MARCHF5: variants seen among roughly 807,000 people sequenced by gnomAD.
MARCHF5 encodes membrane associated ring-CH-type finger 5, also known as E3 ubiquitin-protein ligase MARCHF5.
A neutral mutation model predicts 36.5 loss-of-function variants in MARCHF5; 5 were observed. The ratio of observed to expected loss-of-function variants is 0.14; its 90% CI spans 0.07 to 0.29. MARCHF5 has a LOEUF of 0.29. MARCHF5 is among the 10% of genes least tolerant of loss of function. The probability of loss-of-function intolerance (pLI) is 1.00; values close to 1 mark genes in which losing one functional copy is unlikely to be tolerated. For missense variants in MARCHF5, 179 were observed against 336.3 expected (o/e 0.53, Z 3.66); for synonymous variants, 103 against 109.9 (o/e 0.94, Z 0.39).
rs575122002 is a variant in MARCHF5, at chr10:92,322,439, C to CTTT, written c.238+11118_238+11120dup. On this transcript the variant is annotated intron_variant, in intron 2 of 5. Coordinates refer to ENST00000358935, the MANE Select transcript of MARCHF5 (RefSeq NM_017824.5). The stretch of plus-strand genomic sequence containing the variant: ...TTGACTTGGGATCTTTCTTTTTGTC[C>CTTT]TTTTTTTTTTTTTTTTTTGAGACAG... Among the ~76,000 whole-genome samples, 477 of 120,436 alleles carry CTTT rather than the reference C, an allele frequency of 4.0e-3. 7 individuals are homozygous for CTTT. Among genetic ancestry groups the CTTT allele is most frequent in the African/African-American group, 0.014 (453 of 32,104 alleles). 79.0% of individuals were successfully genotyped at this position (120,436 alleles called of 152,430 possible). A position where few individuals can be genotyped will look rare whatever the true frequency, so the allele number is the denominator to read the frequency against.
chr10:92,301,111 T>C lies in MARCHF5; in HGVS notation c.35+9582T>C, dbSNP rs575948393. 3.2e-4 allele frequency among the ~76,000 whole-genome samples: 49 copies of C among 152,244 alleles called. 1 individual carries two copies. The highest frequency in any genetic ancestry group is 2.5e-3 in the South Asian group (12 of 4,824). On this transcript the variant is annotated intron_variant, in intron 1 of 5. Transcript: ENST00000358935. ...TGTTTTGGCCAGGCTGGCCTTGAAC[T>C]CCTGGTCTCAAGCAGTCCTCCCCAC...
chr10:92,294,598 A>G (rs185046280), intron 1 of MARCHF5, among the ~76,000 whole-genome samples: 2 of 152,154 alleles, frequency 1.3e-5, no homozygotes, highest in African/African-American at 4.8e-5. Context: ...CTTCTCCCCA[A>G]CCTGGTTTTT....
chr10:92,351,078 C>CT lies in MARCHF5; in HGVS notation c.721-8dup, dbSNP rs1843709351. 1 of 1,479,080 alleles carries CT rather than the reference C, an allele frequency of 6.8e-7. No homozygotes were observed. The highest frequency in any genetic ancestry group is 9.4e-7 in the Non-Finnish European group (1 of 1,067,376). 91.6% of individuals were successfully genotyped at this position (1,479,080 alleles called of 1,614,324 possible). A position where few individuals can be genotyped will look rare whatever the true frequency, so the allele number is the denominator to read the frequency against. ...TCTGCATTATAAAAAGCTAATTTTC[C>CT]TTTTTATTTTAGGGTGGAATTGCGT... On this transcript the variant is annotated splice_polypyrimidine_tract_variant and intron_variant, in intron 5 of 5. Transcript: ENST00000358935.
At chr10:92,291,604 C>G (rs1286113176) in intron 1 of MARCHF5, 75 bp downstream of exon 1, 4 of 1,452,874 alleles carry the variant, frequency 2.8e-6, no homozygotes, top group African/African-American at 3.0e-5. Flanking sequence ...CCTCGAGGCT[C>G]TTGGTGAGCA....
In MARCHF5 at chr10:92,352,258, C is replaced by A. The variant is rs1465380532; in HGVS notation, c.*1051C>A. Reference sequence around the variant, plus strand: ...CAGCAGTGAATAAACCAAGGTGAGGCCTTGAGCTCTTTGTTTTTATATTAA... The same window carrying A: ...CAGCAGTGAATAAACCAAGGTGAGGACTTGAGCTCTTTGTTTTTATATTAA... On this transcript the variant is annotated 3_prime_UTR_variant, in exon 6 of 6. Coordinates refer to ENST00000358935, the MANE Select transcript of MARCHF5 (RefSeq NM_017824.5). 2.0e-5 allele frequency: 3 copies of A among 152,182 alleles called. No homozygotes were observed. Among genetic ancestry groups the A allele is most frequent in the African/African-American group, 7.3e-5 (3 of 41,364 alleles). 9.4% of individuals were successfully genotyped at this position (152,182 alleles called of 1,614,324 possible).
intron 3 of MARCHF5, among the ~76,000 whole-genome samples, chr10:92,341,780 CTTTTTTTTTTTTTTT>C (rs71025395): frequency 1.3e-5 from 1 of 77,392 alleles, no homozygotes; most frequent in South Asian, 6.3e-4. Flanking sequence ...AGTTTACATC[CTTTTTTTTTTTTTTT>C]TTTTTTTTTT....
chr10:92,291,251 C>G lies in MARCHF5; in HGVS notation c.-244C>G, dbSNP rs115311029. 9.2e-6 allele frequency: 5 copies of G among 541,200 alleles called. No individual in the cohort carries two copies. In the East Asian group the frequency reaches 1.7e-4, roughly 19 times the overall value. The allele number at this position is 541,200 out of a possible 1,614,324, so 33.5% of individuals were successfully genotyped here. On this transcript the variant is annotated 5_prime_UTR_variant, in exon 1 of 6. Transcript: ENST00000358935. Reference sequence around the variant, plus strand: ...AACCTCGGGCCGACGGACGGGAACCCGGGCCGCGATCGCCGCCTCCCCGCC... The same window carrying G: ...AACCTCGGGCCGACGGACGGGAACCGGGGCCGCGATCGCCGCCTCCCCGCC...
chr10:92,334,833 G>T, intron 2 of MARCHF5, among the ~76,000 whole-genome samples: 1 of 152,138 alleles, frequency 6.6e-6, no homozygotes, highest in East Asian at 1.9e-4. Context: ...TGTCTGAAAC[G>T]TGAAAACTTG....
intron 2 of MARCHF5, among the ~76,000 whole-genome samples, chr10:92,329,183 A>C (rs1195200495): frequency 1.3e-5 from 2 of 152,196 alleles, no homozygotes. Context: ...GGGTATTGCC[A>C]AATTTCCTGC....
At chr10:92,332,515 C>CTTTT (rs34226671) in intron 2 of MARCHF5, among the ~76,000 whole-genome samples, 43 of 95,924 alleles carry the variant, frequency 4.5e-4, no homozygotes, top group Admixed American at 7.0e-4. Flanking sequence ...ATTCCCCATC[C>CTTTT]TTTTTTTTTT....
chr10:92,305,944 C>G (rs1203679962), intron 1 of MARCHF5, among the ~76,000 whole-genome samples: 3 of 152,128 alleles, frequency 2.0e-5, no homozygotes, highest in Non-Finnish European at 4.4e-5. Context: ...ATAATAAAAA[C>G]TCTTTAGAGT....
chr10:92,323,057 G>A (rs1047036420), intron 2 of MARCHF5, among the ~76,000 whole-genome samples: 1 of 151,808 alleles, frequency 6.6e-6, no homozygotes, highest in Non-Finnish European at 1.5e-5. Flanking sequence ...TTCTTTTTCA[G>A]TCTTGCCATG....
chr10:92,335,596 A>G (rs1843492497), intron 2 of MARCHF5, among the ~76,000 whole-genome samples: 1 of 152,252 alleles, frequency 6.6e-6, no homozygotes, highest in Admixed American at 6.5e-5. Flanking sequence ...TAGGTGCTAT[A>G]AAATGCAACC....
chr10:92,307,604 A>C (rs928119255), intron 1 of MARCHF5, among the ~76,000 whole-genome samples: 1 of 151,946 alleles, frequency 6.6e-6, no homozygotes, highest in Non-Finnish European at 1.5e-5. Context: ...GGCCAGGCGC[A>C]GTGGGTCATG....
At chr10:92,345,697 C>CTTTTTTTTTTTTTTT (rs34971275) in intron 3 of MARCHF5, among the ~76,000 whole-genome samples, 17 of 123,610 alleles carry the variant, frequency 1.4e-4, no homozygotes, top group Non-Finnish European at 1.7e-4. Flanking sequence ...TTTTTTTTTT[C>CTTTTTTTTTTTTTTT]TTTTTTTTTT....
intron 2 of MARCHF5, among the ~76,000 whole-genome samples, chr10:92,322,035 G>T (rs537960400): frequency 6.6e-6 from 1 of 151,190 alleles, no homozygotes; most frequent in Non-Finnish European, 1.5e-5. Flanking sequence ...ACCTGAGGTC[G>T]GGAGTTCAAG....
intron 2 of MARCHF5, among the ~76,000 whole-genome samples, chr10:92,339,940 AAAG>A (rs1216044973): frequency 2.0e-5 from 3 of 152,212 alleles, no homozygotes; most frequent in Non-Finnish European, 4.4e-5. Flanking sequence ...ATAATCATAA[AAAG>A]AAATTTGTTA....
rs574495792 is a variant in MARCHF5 at position 92,334,545 on chromosome 10, C to T, written c.239-6128C>T. ...CTTTGTTTCTTCTCCACTCCAACAG[C>T]TTCACTTGACTAGCCTCTAGGAGTT... is the stretch of plus-strand genomic sequence containing the variant. On this transcript the variant is annotated intron_variant, in intron 2 of 5. Coordinates refer to ENST00000358935, the MANE Select transcript of MARCHF5 (RefSeq NM_017824.5). The T allele has an allele frequency of 2.0e-5, 3 of 152,454 alleles. No homozygotes were observed. The East Asian group carries it at 5.8e-4, about 29-fold the overall frequency. 9.4% of individuals were successfully genotyped at this position (152,454 alleles called of 1,614,324 possible).
At chr10:92,325,980 C>A (rs545492079) in intron 2 of MARCHF5, among the ~76,000 whole-genome samples, 3 of 152,262 alleles carry the variant, frequency 2.0e-5, no homozygotes, top group South Asian at 2.1e-4. Context: ...TGCCCAGCTA[C>A]TCTTATTTTA....
Sources: allele counts gnomAD v4.1 joint callset (sites outside exome capture counted in the v4.1 genomes callset), GRCh38; gene constraint gnomAD v4.1.1; transcripts MANE v1.5; gene names NCBI Gene and HGNC (gene_info 2026-07-23, HGNC 2026-07-21).